The following CRCP variants were observed in gnomAD, a reference collection of about 807,000 sequenced individuals.
CRCP encodes the protein DNA-directed RNA polymerase III subunit RPC9.
CRCP carries 18 observed loss-of-function variants against 18.5 expected under a neutral mutation model. The ratio of observed to expected loss-of-function variants is 0.97; its 90% CI spans 0.67 to 1.44. CRCP has a LOEUF of 1.44. Ranked by LOEUF, CRCP falls within the 40% of genes most tolerant of loss-of-function variation. The pLI, the probability that CRCP is intolerant of heterozygous loss-of-function variation, is 0.00. For missense variants in CRCP, 130 were observed against 176.4 expected (o/e 0.74, Z 1.49); for synonymous variants, 53 against 62.9 (o/e 0.84, Z 0.75).
At chr7:66,151,673 CTGTGTGTGTGTGTGTGTG>C (rs1223890806) in intron 5 of CRCP, among the ~76,000 whole-genome samples, 32 of 138,588 alleles carry the variant, frequency 2.3e-4, no homozygotes, top group East Asian at 4.4e-4. Flanking sequence ...CCACTTCTCT[CTGTGTGTGTGTGTGTGTG>C]TGTGTGTGTG....
chr7:66,114,954 C>T lies in CRCP; in HGVS notation c.-9C>T. On this transcript the variant is annotated 5_prime_UTR_variant, in exon 1 of 6. Coordinates refer to ENST00000395326, the MANE Select transcript of CRCP (RefSeq NM_014478.5). ...CTGCTGGCAGCTAGGGGCGACGAGGCGGGACGTCATGGAAGTGTAAGTCTT... is the reference window on the plus strand; with the variant it reads ...CTGCTGGCAGCTAGGGGCGACGAGGTGGGACGTCATGGAAGTGTAAGTCTT... 6.2e-7 allele frequency: 1 copy of T among 1,612,044 alleles called. No individual in the cohort carries two copies. The highest frequency in any genetic ancestry group is 8.5e-7 in the Non-Finnish European group (1 of 1,178,516).
chr7:66,129,201 C>T (rs374684469), intron 2 of CRCP, among the ~76,000 whole-genome samples: 16 of 152,214 alleles, frequency 1.1e-4, no homozygotes, highest in African/African-American at 2.9e-4. Flanking sequence ...GGCAAGGTGG[C>T]GGGCGCCTGT....
chr7:66,145,397 G>A lies in CRCP; in HGVS notation c.240-46G>A, dbSNP rs1488366021. 3 of 1,601,694 alleles carry A rather than the reference G, an allele frequency of 1.9e-6. No individual in the cohort carries two copies. The South Asian group carries it at 3.3e-5, about 18-fold the overall frequency. Reference sequence around the variant, plus strand: ...TCTGTGCAGCTCAGTCAGGACTCAGGACTTAGGGCTATGCGAGTTGTCAAC... The same window carrying A: ...TCTGTGCAGCTCAGTCAGGACTCAGAACTTAGGGCTATGCGAGTTGTCAAC... On this transcript the variant is annotated intron_variant, in intron 4 of 5. Transcript: ENST00000395326.
intron 4 of CRCP, among the ~76,000 whole-genome samples, chr7:66,135,190 G>A (rs1357117536): frequency 6.6e-6 from 1 of 152,044 alleles, no homozygotes; most frequent in African/African-American, 2.4e-5. Flanking sequence ...AGCCAAAATT[G>A]GTAGAACCAA....
intron 4 of CRCP, among the ~76,000 whole-genome samples, chr7:66,136,520 G>A (rs367761946): frequency 5.9e-5 from 9 of 152,038 alleles, no homozygotes; most frequent in East Asian, 3.9e-4. Flanking sequence ...GTGAGTCACC[G>A]TGCCTGGCCA....
intron 1 of CRCP, among the ~76,000 whole-genome samples, chr7:66,126,250 A>G (rs983259226): frequency 2.0e-5 from 3 of 149,098 alleles, no homozygotes; most frequent in African/African-American, 7.3e-5. Context: ...GTTTTGCTTT[A>G]TTTATTGACT....
Position 66,114,973 on chromosome 7 carries a change from A to T in CRCP, c.8+3A>T, listed in dbSNP as rs779488684. 1 of 1,609,890 alleles carries T rather than the reference A, an allele frequency of 6.2e-7. No individual in the cohort carries two copies. Among genetic ancestry groups the T allele is most frequent in the Non-Finnish European group, 8.5e-7 (1 of 1,176,764 alleles). On this transcript the variant is annotated splice_donor_region_variant and intron_variant, in intron 1 of 5. Coordinates refer to ENST00000395326, the MANE Select transcript of CRCP (RefSeq NM_014478.5). ...ACGAGGCGGGACGTCATGGAAGTGTAAGTCTTCTCGGGCGCGTCCCTTTTC... is the reference window on the plus strand; with the variant it reads ...ACGAGGCGGGACGTCATGGAAGTGTTAGTCTTCTCGGGCGCGTCCCTTTTC...
intron 4 of CRCP, among the ~76,000 whole-genome samples, chr7:66,142,530 G>C (rs936174787): frequency 6.6e-6 from 1 of 152,090 alleles, no homozygotes; most frequent in Non-Finnish European, 1.5e-5. Context: ...TTCTCGCTCT[G>C]TCTCCCAGAC....
At position 66,131,771 on chromosome 7, in the gene CRCP, C is replaced by CT. The variant is rs890802726; in HGVS notation, c.144+942dup. Among the ~76,000 whole-genome samples, 560 of 144,340 alleles carry CT rather than the reference C, an allele frequency of 3.9e-3. 2 individuals carry two copies. Among genetic ancestry groups the CT allele is most frequent in the Middle Eastern group, 0.011 (3 of 280 alleles). The allele number at this position is 144,340 out of a possible 152,430, so 94.7% of individuals were successfully genotyped here. ...ATCTTTTTATTTTGAAATCATTTTT[C>CT]TTTTTTTTTTTTTGAGACGGATTCT... On this transcript the variant is annotated intron_variant, in intron 3 of 5. Coordinates refer to ENST00000395326, the MANE Select transcript of CRCP (RefSeq NM_014478.5).
chr7:66,117,024 G>C (rs899414726), intron 1 of CRCP, among the ~76,000 whole-genome samples: 4 of 151,732 alleles, frequency 2.6e-5, no homozygotes, highest in Non-Finnish European at 5.9e-5. Context: ...AGGAGGCTGA[G>C]GCAGGAGAAT....
At chr7:66,139,038 G>A (rs1467339789) in intron 4 of CRCP, among the ~76,000 whole-genome samples, 1 of 152,044 alleles carries the variant, frequency 6.6e-6, no homozygotes, top group Non-Finnish European at 1.5e-5. Context: ...GTAAACCTCT[G>A]ATACTGCTGT....
chr7:66,140,161 TG>T (rs1324854904), intron 4 of CRCP, among the ~76,000 whole-genome samples: 1 of 152,222 alleles, frequency 6.6e-6, no homozygotes, highest in Non-Finnish European at 1.5e-5. Flanking sequence ...CTCAGTCTCC[TG>T]GCGAGAAAGA....
rs2115893854 is a variant in CRCP at position 66,124,888 on chromosome 7, A to G, written c.9-2816A>G. ...TTATTAAGATACAATGTAAACTCACATTTCTTCAGTTGCCATAATAGTGTT... is the reference window on the plus strand; with the variant it reads ...TTATTAAGATACAATGTAAACTCACGTTTCTTCAGTTGCCATAATAGTGTT... On this transcript the variant is annotated intron_variant, in intron 1 of 5. Coordinates refer to ENST00000395326, the MANE Select transcript of CRCP (RefSeq NM_014478.5). 1.3e-5 allele frequency among the ~76,000 whole-genome samples: 2 copies of G among 149,372 alleles called. 1 individual carries two copies. The highest frequency in any genetic ancestry group is 4.8e-5 in the African/African-American group (2 of 41,406).
intron 4 of CRCP, 74 bp downstream of exon 4, chr7:66,134,448 T>C (rs1181007840): frequency 9.2e-7 from 1 of 1,083,688 alleles, no homozygotes; most frequent in Admixed American, 2.1e-5. Context: ...AGCAACCGTG[T>C]ATTGATATTC....
chr7:66,129,147 C>T (rs1458914095), intron 2 of CRCP, among the ~76,000 whole-genome samples: 1 of 152,094 alleles, frequency 6.6e-6, no homozygotes, highest in Non-Finnish European at 1.5e-5. Flanking sequence ...TCCTGGCTAA[C>T]ACGGTGAAAC....
chr7:66,115,955 C>T (rs1279497521), intron 1 of CRCP, among the ~76,000 whole-genome samples: 1 of 152,140 alleles, frequency 6.6e-6, no homozygotes, highest in East Asian at 1.9e-4. Flanking sequence ...CGCCATCACT[C>T]ACCGCTAATT....
intron 1 of CRCP, among the ~76,000 whole-genome samples, chr7:66,118,220 C>A (rs1165472662): frequency 2.0e-5 from 3 of 152,234 alleles, no homozygotes; most frequent in Non-Finnish European, 4.4e-5. Context: ...AGGTGATTTG[C>A]CTGCCTCAGC....
At position 66,151,853 on chromosome 7, in the gene CRCP, C is replaced by G. The variant is rs374428276; in HGVS notation, c.298-355C>G. On this transcript the variant is annotated intron_variant, in intron 5 of 5. Transcript: ENST00000395326. ...CAAGTGATCCTCCCACCTCAGCCCC[C>G]CAAGTAGCTGGGACTATTGGCACAC... is the stretch of plus-strand genomic sequence containing the variant. Among the ~76,000 whole-genome samples the G allele has an allele frequency of 8.6e-5, 13 of 151,098 alleles. No individual in the cohort carries two copies. In the East Asian group the frequency reaches 2.3e-3, roughly 27 times the overall value.
At chr7:66,139,648 CG>C (rs1452419229) in intron 4 of CRCP, among the ~76,000 whole-genome samples, 1 of 152,156 alleles carries the variant, frequency 6.6e-6, no homozygotes, top group African/African-American at 2.4e-5. Context: ...TCTTGCCTTC[CG>C]GGGCAAGGAT....
Sources: gnomAD v4.1 joint callset for allele counts (sites outside exome capture counted in the v4.1 genomes callset) on GRCh38, gnomAD v4.1.1 for gene constraint, MANE v1.5 for transcripts, NCBI Gene and HGNC (gene_info 2026-07-23, HGNC 2026-07-21) for gene names.